Variants in GPC5 observed in about 807,000 individuals in gnomAD.
GPC5 encodes glypican 5.
Under a neutral mutation model 53.9 loss-of-function variants are expected in GPC5, and 47 were observed. The ratio of observed to expected loss-of-function variants is 0.87; its 90% CI spans 0.69 to 1.11. The LOEUF (loss-of-function observed/expected upper bound fraction) is 1.11, where lower values mean the gene tolerates loss of function less well. Ranked by LOEUF, GPC5 falls within the 50% of genes most tolerant of loss-of-function variation. The probability of loss-of-function intolerance (pLI) is 0.00; values close to 1 mark genes in which losing one functional copy is unlikely to be tolerated. For missense variants in GPC5, 748 were observed against 713.1 expected, an observed-to-expected ratio of 1.05 and a Z score of -0.56; for synonymous variants, 286 against 263.3, an observed-to-expected ratio of 1.09 and a Z score of -0.84.
intron 2 of GPC5, among the ~76,000 whole-genome samples, chr13:91,569,864 C>T (rs1379011764): frequency 6.6e-6 from 1 of 152,146 alleles, no homozygotes; most frequent in Non-Finnish European, 1.5e-5. Context: ...GACACTGAAC[C>T]AGCTGGCTTC....
At position 92,232,857 on chromosome 13, in the gene GPC5, A is replaced by G. The variant is rs142718749; in HGVS notation, c.1561+87868A>G. Among the ~76,000 whole-genome samples, 208 of 152,254 alleles carry G rather than the reference A, an allele frequency of 1.4e-3. 1 individual carries two copies. Among genetic ancestry groups the G allele is most frequent in the African/African-American group, 4.6e-3 (193 of 41,550 alleles). ...AAACTATAATTGTAGCAGTTATCCAATCTTCCGCATTTTTTTTGACGATTC... is the reference window on the plus strand; with the variant it reads ...AAACTATAATTGTAGCAGTTATCCAGTCTTCCGCATTTTTTTTGACGATTC... On this transcript the variant is annotated intron_variant, in intron 7 of 7. Transcript: ENST00000377067.
intron 7 of GPC5, among the ~76,000 whole-genome samples, chr13:92,252,157 T>C (rs1222114491): frequency 6.6e-6 from 1 of 152,150 alleles, no homozygotes; most frequent in African/African-American, 2.4e-5. Flanking sequence ...GACACATGAC[T>C]GGCCTCTGTG....
chr13:91,424,072 GT>G (rs769053588), intron 1 of GPC5, among the ~76,000 whole-genome samples: 1 of 152,178 alleles, frequency 6.6e-6, no homozygotes, highest in Non-Finnish European at 1.5e-5. Flanking sequence ...TCAAGTTTAT[GT>G]AATTGTTTTG....
intron 7 of GPC5, among the ~76,000 whole-genome samples, chr13:92,576,226 T>C (rs1883186589): frequency 6.6e-6 from 1 of 152,212 alleles, no homozygotes; most frequent in Non-Finnish European, 1.5e-5. Context: ...GAAAAGCTCC[T>C]ACTATTTCTT....
intron 5 of GPC5, among the ~76,000 whole-genome samples, chr13:91,843,124 T>C (rs2038808699): frequency 6.6e-6 from 1 of 152,214 alleles, no homozygotes; most frequent in Non-Finnish European, 1.5e-5. Context: ...TTCTAAACTT[T>C]TGCTGAGCAA....
At chr13:92,081,974 G>C (rs1286455753) in intron 6 of GPC5, among the ~76,000 whole-genome samples, 1 of 152,122 alleles carries the variant, frequency 6.6e-6, no homozygotes, top group Non-Finnish European at 1.5e-5. Context: ...GTTATAAATA[G>C]ATAGAAAATC....
chr13:91,522,359 G>A (rs1490618206), intron 2 of GPC5, among the ~76,000 whole-genome samples: 3 of 152,156 alleles, frequency 2.0e-5, no homozygotes, highest in South Asian at 2.1e-4. Context: ...AGAGTCTAAG[G>A]AGTTTAAGAG....
intron 3 of GPC5, among the ~76,000 whole-genome samples, chr13:91,705,701 C>CG (rs1212498909): frequency 2.0e-5 from 3 of 149,730 alleles, no homozygotes; most frequent in Non-Finnish European, 3.0e-5. Context: ...ACACCCCCCC[C>CG]CCCATATTTC....
At chr13:92,152,867 TACA>T (rs1411406052) in intron 7 of GPC5, among the ~76,000 whole-genome samples, 1 of 151,902 alleles carries the variant, frequency 6.6e-6, no homozygotes, top group Non-Finnish European at 1.5e-5. Flanking sequence ...GTCCAAGAAA[TACA>T]ACATTTCCAT....
intron 6 of GPC5, among the ~76,000 whole-genome samples, chr13:92,077,181 A>G (rs952199835): frequency 3.9e-5 from 6 of 152,152 alleles, no homozygotes; most frequent in Non-Finnish European, 8.8e-5. Flanking sequence ...AAATGTATAA[A>G]ACCAAGCTGT....
chr13:92,503,336 A>G (rs776732206), intron 7 of GPC5, among the ~76,000 whole-genome samples: 4 of 151,850 alleles, frequency 2.6e-5, no homozygotes, highest in African/African-American at 7.2e-5. Flanking sequence ...ATTAGAATAC[A>G]TACTGAACTG....
At chr13:92,125,257 AGAGT>A (rs994938647) in intron 6 of GPC5, among the ~76,000 whole-genome samples, 3 of 152,226 alleles carry the variant, frequency 2.0e-5, no homozygotes, top group African/African-American at 2.4e-5. Flanking sequence ...GACTTTTAAA[AGAGT>A]GAGAGTCAGA....
intron 2 of GPC5, among the ~76,000 whole-genome samples, chr13:91,663,395 A>G (rs1167460283): frequency 1.3e-5 from 2 of 152,120 alleles, no homozygotes; most frequent in East Asian, 1.9e-4. Context: ...GTATAAATAT[A>G]TGTGCTTATT....
intron 6 of GPC5, among the ~76,000 whole-genome samples, chr13:92,104,197 T>C (rs1224956472): frequency 1.3e-5 from 2 of 152,108 alleles, no homozygotes; most frequent in East Asian, 3.9e-4. Flanking sequence ...TTCATCCACG[T>C]ATCCCAATGA....
intron 6 of GPC5, among the ~76,000 whole-genome samples, chr13:92,124,134 T>TAA (rs146377177): frequency 2.9e-5 from 4 of 139,138 alleles, no homozygotes; most frequent in African/African-American, 1.0e-4. Context: ...GCTTTTCTTT[T>TAA]AAAAAAAAAA....
At chr13:91,750,537 A>G (rs980398462) in intron 4 of GPC5, among the ~76,000 whole-genome samples, 1 of 152,194 alleles carries the variant, frequency 6.6e-6, no homozygotes, top group Admixed American at 6.5e-5. Context: ...CTAAGAATAT[A>G]ATATTTTGTT....
chr13:91,478,795 T>TTATATA (rs757436599), intron 2 of GPC5, among the ~76,000 whole-genome samples: 6,177 of 54,986 alleles, frequency 0.11, 468 homozygotes, highest in Non-Finnish European at 0.15. Context: ...CCATTTGAGT[T>TTATATA]TATATATATA....
At chr13:92,300,596 CA>C (rs2043068990) in intron 7 of GPC5, among the ~76,000 whole-genome samples, 1 of 152,108 alleles carries the variant, frequency 6.6e-6, no homozygotes, top group African/African-American at 2.4e-5. Context: ...AATCAATAGG[CA>C]GTGGTGAGAA....
chr13:91,845,300 A>G (rs1390399185), intron 5 of GPC5, among the ~76,000 whole-genome samples: 3 of 148,198 alleles, frequency 2.0e-5, no homozygotes, highest in Non-Finnish European at 3.0e-5. Flanking sequence ...AAAATCAGTA[A>G]GGTTTTTTTT....
Sources: allele counts gnomAD v4.1 joint callset (sites outside exome capture counted in the v4.1 genomes callset), GRCh38; gene constraint gnomAD v4.1.1; transcripts MANE v1.5; gene names NCBI Gene and HGNC (gene_info 2026-07-23, HGNC 2026-07-21).